TAB2: variants seen among roughly 807,000 people sequenced by gnomAD.
TAB2 encodes TGF-beta-activated kinase 1 and MAP3K7-binding protein 2.
TAB2 carries 3 observed loss-of-function variants against 65.0 expected under a neutral mutation model. That is an observed-to-expected ratio of 0.05 (90% CI 0.02 to 0.12). The LOEUF (loss-of-function observed/expected upper bound fraction) is 0.12, where lower values mean the gene tolerates loss of function less well. Ranked by LOEUF, TAB2 falls within the 10% of genes least tolerant of loss-of-function variation. TAB2 has a pLI of 1.00. For missense variants in TAB2, 623 were observed against 840.3 expected (o/e 0.74, Z 3.20); for synonymous variants, 298 against 285.1 (o/e 1.05, Z -0.46).
chr6:149,346,028 G>A (rs987199738), intron 1 of TAB2, among the ~76,000 whole-genome samples: 1 of 152,062 alleles, frequency 6.6e-6, no homozygotes, highest in Admixed American at 6.6e-5. Flanking sequence ...GCACACACTG[G>A]GATGACCATT....
intron 1 of TAB2, among the ~76,000 whole-genome samples, chr6:149,250,138 G>C (rs1436490462): frequency 2.0e-5 from 3 of 152,102 alleles, no homozygotes; most frequent in Non-Finnish European, 2.9e-5. Flanking sequence ...GGGGCAGGGG[G>C]TGGCTTTTGT....
At chr6:149,274,628 G>A (rs1778421060) in intron 1 of TAB2, among the ~76,000 whole-genome samples, 1 of 152,162 alleles carries the variant, frequency 6.6e-6, no homozygotes, top group Admixed American at 6.5e-5. Context: ...TCATTGTCCT[G>A]GAGGAAAAGG....
In TAB2 at chr6:149,378,015, T is replaced by C; in HGVS notation, c.103-3T>C. ...CATCAATCAATTTATTTTGTTTTCA[T>C]AGAATAATAATAACCTGGATGCCTG... On this transcript the variant is annotated splice_region_variant and splice_polypyrimidine_tract_variant and intron_variant, in intron 2 of 6. Transcript: ENST00000637181. 6.2e-7 allele frequency: 1 copy of C among 1,612,860 alleles called. No homozygotes were observed. Among genetic ancestry groups the C allele is most frequent in the Non-Finnish European group, 8.5e-7 (1 of 1,179,084 alleles).
chr6:149,249,137 CACACACACACACACAT>C, intron 1 of TAB2, among the ~76,000 whole-genome samples: 1 of 106,052 alleles, frequency 9.4e-6, no homozygotes, highest in East Asian at 3.0e-4. Flanking sequence ...CACACACATA[CACACACACACACACAT>C]ACACACACAC....
rs758784598 is a variant in TAB2, at chr6:149,379,062, A to C, written c.1147A>C (p.Ser383Arg). ...AAATACGGATGAGCTGATGTCCCGT[A>C]GTCAACCTAAGGTCTATATTTCAGC... ...PPNTDELMSR[S>R]QPKVYISANA... The change falls in exon 3 of 7, where the codon AGT becomes CGT. Residue 383 changes from serine (S) to arginine (R), a missense_variant. Physicochemically the swap from Ser to Arg is moderately radical, Grantham distance 110 (BLOSUM62 -1). Transcript: ENST00000637181. 8.7e-6 allele frequency: 14 copies of C among 1,614,224 alleles called. No individual in the cohort carries two copies. In the South Asian group the frequency reaches 1.5e-4, roughly 18 times the overall value.
intron 1 of TAB2, among the ~76,000 whole-genome samples, chr6:149,264,260 T>TTCCCTAAGGAATGTG (rs1274399072): frequency 6.6e-6 from 1 of 152,134 alleles, no homozygotes; most frequent in Non-Finnish European, 1.5e-5. Flanking sequence ...TGTCTTCCCA[T>TTCCCTAAGGAATGTG]TCCCTAAGGA....
intron 1 of TAB2, among the ~76,000 whole-genome samples, chr6:149,249,131 C>T (rs960897912): frequency 2.3e-5 from 3 of 131,518 alleles, no homozygotes; most frequent in Non-Finnish European, 4.7e-5. Context: ...CAGACACACA[C>T]ACATACACAC....
intron 1 of TAB2, among the ~76,000 whole-genome samples, chr6:149,285,238 T>A (rs774462555): frequency 7.9e-5 from 12 of 152,160 alleles, no homozygotes; most frequent in Non-Finnish European, 1.5e-4. Flanking sequence ...TCCCAGGAAA[T>A]ATTAGTTATT....
At chr6:149,257,068 A>T (rs1186184458) in intron 1 of TAB2, among the ~76,000 whole-genome samples, 1 of 152,228 alleles carries the variant, frequency 6.6e-6, no homozygotes, top group Non-Finnish European at 1.5e-5. Flanking sequence ...CTGCTAAGAA[A>T]ATTGCCACAG....
intron 1 of TAB2, among the ~76,000 whole-genome samples, chr6:149,281,151 T>A (rs1778564836): frequency 6.6e-6 from 1 of 151,970 alleles, no homozygotes; most frequent in Non-Finnish European, 1.5e-5. Context: ...TAAAAGAAAA[T>A]TGACTGTTTA....
intron 3 of TAB2, among the ~76,000 whole-genome samples, chr6:149,388,435 A>G (rs1244198682): frequency 6.6e-6 from 1 of 152,192 alleles, no homozygotes. Context: ...CTGCCAATAA[A>G]TGTTGCCAAT....
At chr6:149,376,059 G>A (rs979609964) in intron 2 of TAB2, among the ~76,000 whole-genome samples, 1 of 152,076 alleles carries the variant, frequency 6.6e-6, no homozygotes, top group South Asian at 2.1e-4. Flanking sequence ...TCTTTCTTAA[G>A]TCTAAAACTC....
chr6:149,248,476 G>A (rs577313075), intron 1 of TAB2, among the ~76,000 whole-genome samples: 3 of 141,534 alleles, frequency 2.1e-5, no homozygotes, highest in Admixed American at 6.9e-5. Context: ...AGGAAAGAAA[G>A]AAAGAAAGAG....
At chr6:149,349,495 T>C (rs1172255384) in intron 1 of TAB2, among the ~76,000 whole-genome samples, 4 of 151,904 alleles carry the variant, frequency 2.6e-5, no homozygotes, top group African/African-American at 4.8e-5. Context: ...ATTAATGACA[T>C]GCAGATCTGT....
intron 1 of TAB2, among the ~76,000 whole-genome samples, chr6:149,309,109 AT>A (rs1229883716): frequency 6.6e-6 from 1 of 151,916 alleles, no homozygotes; most frequent in Non-Finnish European, 1.5e-5. Context: ...TTATTTTTTT[AT>A]TTTTTCCCTT....
At chr6:149,402,154 GT>G (rs1180676607) in intron 6 of TAB2, among the ~76,000 whole-genome samples, 1 of 151,678 alleles carries the variant, frequency 6.6e-6, no homozygotes, top group African/African-American at 2.4e-5. Context: ...AAACTAAGAG[GT>G]TTTTTAAAAA....
intron 1 of TAB2, among the ~76,000 whole-genome samples, chr6:149,276,681 G>A (rs1778479941): frequency 6.6e-6 from 1 of 152,182 alleles, no homozygotes; most frequent in Non-Finnish European, 1.5e-5. Context: ...TGGCATAGCT[G>A]TGGAAAAATA....
At chr6:149,285,816 T>G (rs1337084043) in intron 1 of TAB2, among the ~76,000 whole-genome samples, 1 of 152,170 alleles carries the variant, frequency 6.6e-6, no homozygotes, top group East Asian at 1.9e-4. Context: ...CCTGGAGGAC[T>G]TGTTAAAACA....
chr6:149,375,366 C>T (rs1449159008), intron 2 of TAB2, among the ~76,000 whole-genome samples: 1 of 151,958 alleles, frequency 6.6e-6, no homozygotes, highest in Non-Finnish European at 1.5e-5. Flanking sequence ...TTATGTTTTG[C>T]TATTAAGAAA....
Sources: gnomAD v4.1 joint callset for allele counts (sites outside exome capture counted in the v4.1 genomes callset) on GRCh38, gnomAD v4.1.1 for gene constraint, MANE v1.5 for transcripts, NCBI Gene and HGNC (gene_info 2026-07-23, HGNC 2026-07-21) for gene names.